The following ANK3 variants were observed in gnomAD, a reference collection of about 807,000 sequenced individuals.
The protein encoded by ANK3 is ankyrin 3.
Under a neutral mutation model 370.9 loss-of-function variants are expected in ANK3, and 57 were observed. The observed-to-expected ratio is 0.15, with a 90% CI of 0.12 to 0.19. The LOEUF (loss-of-function observed/expected upper bound fraction) is 0.19, where lower values mean the gene tolerates loss of function less well. ANK3 is among the 10% of genes least tolerant of loss of function. The pLI is 1.00. For synonymous variants in ANK3, 1,929 were observed against 1,946.3 expected (o/e 0.99, Z 0.23); for missense variants, 4,439 against 5,302.1 (o/e 0.84, Z 5.06).
chr10:60,319,068 G>A (rs919076710), intron 1 of ANK3, among the ~76,000 whole-genome samples: 4 of 152,168 alleles, frequency 2.6e-5, no homozygotes, highest in African/African-American at 9.7e-5. Context: ...GTTCACTACA[G>A]AAGACTGATG....
At chr10:60,569,268 G>A (rs115729517) in intron 2 of ANK3, among the ~76,000 whole-genome samples, 7 of 152,152 alleles carry the variant, frequency 4.6e-5, no homozygotes, top group East Asian at 1.9e-4. Flanking sequence ...TCGAGGTTAG[G>A]TGTTATCATT....
intron 1 of ANK3, among the ~76,000 whole-genome samples, chr10:60,712,964 A>C (rs1159016552): frequency 2.6e-5 from 4 of 152,188 alleles, no homozygotes; most frequent in African/African-American, 9.7e-5. Context: ...GTAAGGCAAA[A>C]ACTAAAAGAA....
intron 2 of ANK3, among the ~76,000 whole-genome samples, chr10:60,490,718 T>C (rs1250852454): frequency 6.6e-6 from 1 of 152,240 alleles, no homozygotes; most frequent in East Asian, 1.9e-4. Flanking sequence ...TGTTATTTAT[T>C]CTATCTTGGA....
At chr10:60,394,324 G>A (rs1594943307), upstream of ANK3, among the ~76,000 whole-genome samples, 1 of 151,880 alleles carries the variant, frequency 6.6e-6, no homozygotes, top group Non-Finnish European at 1.5e-5. Flanking sequence ...TTTTAGATGA[G>A]ACATATGAAG....
intron 2 of ANK3, among the ~76,000 whole-genome samples, chr10:60,591,975 G>A (rs920164345): frequency 1.3e-5 from 2 of 152,042 alleles, no homozygotes; most frequent in Admixed American, 6.5e-5. Context: ...TAATGGGTAC[G>A]AAAAAATAGA....
intron 7 of ANK3, among the ~76,000 whole-genome samples, chr10:60,258,999 T>C (rs571686385): frequency 2.0e-4 from 31 of 152,224 alleles, no homozygotes; most frequent in Non-Finnish European, 4.4e-4. Flanking sequence ...CTCCCTTTAT[T>C]GCTCTGACTG....
At chr10:60,248,579 G>T (rs567070970) in intron 7 of ANK3, among the ~76,000 whole-genome samples, 2 of 152,288 alleles carry the variant, frequency 1.3e-5, no homozygotes, top group East Asian at 3.9e-4. Context: ...TGTTTGACAT[G>T]AGAACAAACA....
chr10:60,235,465 C>T (rs1222677715), intron 7 of ANK3, among the ~76,000 whole-genome samples: 1 of 151,576 alleles, frequency 6.6e-6, no homozygotes, highest in Non-Finnish European at 1.5e-5. Context: ...TTATTCTTCT[C>T]TCCAAGCATC....
intron 1 of ANK3, among the ~76,000 whole-genome samples, chr10:60,721,770 A>G (rs925914284): frequency 6.6e-6 from 1 of 152,232 alleles, no homozygotes; most frequent in Non-Finnish European, 1.5e-5. Flanking sequence ...CAGAGTCCTC[A>G]TCAATTTCTA....
chr10:60,226,495 ACTATAGTATATATACATAG>A (rs2097151483), intron 8 of ANK3, among the ~76,000 whole-genome samples: 1 of 92,052 alleles, frequency 1.1e-5, no homozygotes, highest in Non-Finnish European at 1.8e-5. Flanking sequence ...ATATACATAT[ACTATAGTATATATACATAG>A]TATATATACT....
chr10:60,420,293 C>T (rs2063751594), intron 2 of ANK3, among the ~76,000 whole-genome samples: 1 of 152,124 alleles, frequency 6.6e-6, no homozygotes, highest in African/African-American at 2.4e-5. Flanking sequence ...TCCCAAATCG[C>T]TTGTACTATT....
chr10:60,604,072 C>A (rs1413628052), intron 2 of ANK3, among the ~76,000 whole-genome samples: 3 of 152,054 alleles, frequency 2.0e-5, no homozygotes, highest in Non-Finnish European at 4.4e-5. Flanking sequence ...TAGAACAAAT[C>A]CTGACCATAA....
intron 1 of ANK3, among the ~76,000 whole-genome samples, chr10:60,369,428 A>T (rs2059822187): frequency 6.6e-6 from 1 of 152,178 alleles, no homozygotes; most frequent in Admixed American, 6.5e-5. Flanking sequence ...TTCTGACAAG[A>T]GGGACTATGG....
At chr10:60,427,847 C>G (rs532006757) in intron 2 of ANK3, among the ~76,000 whole-genome samples, 2 of 152,178 alleles carry the variant, frequency 1.3e-5, no homozygotes, top group Admixed American at 1.3e-4. Context: ...AGACTAGAAC[C>G]CAGATTTTCT....
intron 25 of ANK3, among the ~76,000 whole-genome samples, chr10:60,118,734 T>C (rs2093282094): frequency 6.6e-6 from 1 of 152,198 alleles, no homozygotes. Context: ...TTCACAAAGG[T>C]TCATTTTTTT....
At chr10:60,614,782 AC>A (rs1333144460) in intron 2 of ANK3, among the ~76,000 whole-genome samples, 2 of 152,180 alleles carry the variant, frequency 1.3e-5, no homozygotes, top group African/African-American at 4.8e-5. Flanking sequence ...TCCCATGTAG[AC>A]TTTTCGGTTT....
chr10:60,323,539 C>A (rs779655294), intron 1 of ANK3, among the ~76,000 whole-genome samples: 3 of 152,178 alleles, frequency 2.0e-5, no homozygotes, highest in Non-Finnish European at 4.4e-5. Context: ...GAGATACACA[C>A]ACACACACCT....
At chr10:60,395,657 TC>T (rs533607227) in intron 2 of ANK3, among the ~76,000 whole-genome samples, 2 of 151,730 alleles carry the variant, frequency 1.3e-5, no homozygotes, top group South Asian at 4.2e-4. Context: ...TCTCTTTCTT[TC>T]TTTCTTTTGT....
intron 2 of ANK3, among the ~76,000 whole-genome samples, chr10:60,480,505 T>A (rs184500195): frequency 6.6e-6 from 1 of 152,058 alleles, no homozygotes; most frequent in African/African-American, 2.4e-5. Flanking sequence ...CAAAACTGAT[T>A]GTTGGTCAAT....
Sources: allele counts gnomAD v4.1 joint callset (sites outside exome capture counted in the v4.1 genomes callset), GRCh38; gene constraint gnomAD v4.1.1; transcripts MANE v1.5; gene names NCBI Gene and HGNC (gene_info 2026-07-23, HGNC 2026-07-21).